SLC26A8: variants seen among roughly 807,000 people sequenced by gnomAD.
SLC26A8 encodes solute carrier family 26 member 8, also known as testis anion transporter 1.
In SLC26A8, 70 loss-of-function variants were observed where a neutral mutation model predicts 105.0. The ratio of observed to expected loss-of-function variants is 0.67; its 90% CI spans 0.55 to 0.81. SLC26A8 has a LOEUF of 0.81. SLC26A8 is among the 40% of genes least tolerant of loss of function. The pLI is 0.00. For missense variants in SLC26A8, 998 were observed against 1,181.8 expected, an observed-to-expected ratio of 0.84 and a Z score of 2.28; for synonymous variants, 415 against 438.3, an observed-to-expected ratio of 0.95 and a Z score of 0.66.
chr6:36,023,726 G>A (rs1425933467), intron 1 of SLC26A8, among the ~76,000 whole-genome samples: 3 of 151,938 alleles, frequency 2.0e-5, no homozygotes, highest in East Asian at 1.9e-4. Context: ...ATTTACTTCC[G>A]AATTTTCAAA....
At chr6:36,001,185 G>A (rs1761510201) in intron 3 of SLC26A8, among the ~76,000 whole-genome samples, 1 of 149,178 alleles carries the variant, frequency 6.7e-6, no homozygotes, top group Non-Finnish European at 1.5e-5. Flanking sequence ...CTGGAGTGCA[G>A]TGGCGCGATC....
chr6:36,009,999 G>C (rs554498469), intron 3 of SLC26A8, among the ~76,000 whole-genome samples: 1 of 152,156 alleles, frequency 6.6e-6, no homozygotes, highest in Non-Finnish European at 1.5e-5. Flanking sequence ...GCTTGCAGCT[G>C]GGGATGTAAA....
intron 2 of SLC26A8, among the ~76,000 whole-genome samples, chr6:36,014,068 A>T (rs1008415604): frequency 3.9e-5 from 6 of 152,188 alleles, no homozygotes; most frequent in African/African-American, 1.4e-4. Context: ...TTGGTTTGGA[A>T]GGAACATCAC....
chr6:36,009,675 T>G (rs1167003517), intron 3 of SLC26A8, among the ~76,000 whole-genome samples: 1 of 152,214 alleles, frequency 6.6e-6, no homozygotes, highest in Non-Finnish European at 1.5e-5. Flanking sequence ...TATTAATGAT[T>G]GCTAGGGATT....
At chr6:35,985,522 A>G (rs534677154) in intron 7 of SLC26A8, among the ~76,000 whole-genome samples, 6 of 151,708 alleles carry the variant, frequency 4.0e-5, no homozygotes, top group South Asian at 4.2e-4. Context: ...GTGAAACCCC[A>G]TCTCTACTAA....
At chr6:36,020,619 T>C (rs1049692347) in intron 1 of SLC26A8, among the ~76,000 whole-genome samples, 2 of 151,600 alleles carry the variant, frequency 1.3e-5, no homozygotes, top group African/African-American at 4.8e-5. Context: ...ACCCTGTCTC[T>C]AAAAGAAAAA....
At chr6:35,964,471 A>T (rs1441593413) in intron 11 of SLC26A8, among the ~76,000 whole-genome samples, 3 of 151,988 alleles carry the variant, frequency 2.0e-5, no homozygotes, top group Non-Finnish European at 2.9e-5. Context: ...ATGTGGCAAA[A>T]ACCTGTCTCT....
rs762255127 is a variant in SLC26A8, at chr6:35,943,949, T to C, written c.2864A>G (p.His955Arg). The change falls in exon 20 of 20, where the codon CAT (histidine) becomes CGT (arginine). Residue 955 changes from histidine (H) to arginine (R), a missense_variant. Coordinates refer to ENST00000490799, the MANE Select transcript of SLC26A8 (RefSeq NM_052961.4). ...CTCTGGTGAGTATGAATCCATAGGA[T>C]GGCGTCTCCTCTCCACTGACCATGT... ...TRTWSVERRR[H>R]PMDSYSPEGN... 1.2e-6 allele frequency: 2 copies of C among 1,614,080 alleles called. No individual in the cohort carries two copies. The highest frequency in any genetic ancestry group is 2.7e-5 in the African/African-American group (2 of 74,922).
intron 19 of SLC26A8, among the ~76,000 whole-genome samples, 169 bp from the exon 20 acceptor site, chr6:35,944,509 AAAT>A (rs58506796): frequency 4.1e-5 from 6 of 147,936 alleles, no homozygotes; most frequent in African/African-American, 1.2e-4. Flanking sequence ...CTATCTTAAC[AAAT>A]AATAATAATA....
intron 10 of SLC26A8, among the ~76,000 whole-genome samples, chr6:35,970,239 G>C (rs1391060456): frequency 6.6e-6 from 1 of 152,120 alleles, no homozygotes; most frequent in Admixed American, 6.6e-5. Flanking sequence ...TTTACGTAGG[G>C]GGGGAAAACA....
chr6:35,993,422 TG>T (rs1322739253), intron 5 of SLC26A8, among the ~76,000 whole-genome samples: 8 of 152,068 alleles, frequency 5.3e-5, no homozygotes, highest in South Asian at 2.1e-4. Context: ...TTCAAAACAG[TG>T]GGATCGAGCT....
chr6:35,965,154 G>T, intron 11 of SLC26A8, among the ~76,000 whole-genome samples: 1 of 152,080 alleles, frequency 6.6e-6, no homozygotes, highest in Non-Finnish European at 1.5e-5. Context: ...TCCATTTTTA[G>T]AAAATAATAT....
At chr6:35,952,133 G>C (rs116733491) in intron 17 of SLC26A8, among the ~76,000 whole-genome samples, 1,576 of 152,288 alleles carry the variant, frequency 0.01, 30 homozygotes, top group African/African-American at 0.033. Flanking sequence ...CCCTAGCATA[G>C]AGACAGGCAC....
At chr6:36,016,882 A>T (rs974610907) in intron 2 of SLC26A8, among the ~76,000 whole-genome samples, 1 of 152,224 alleles carries the variant, frequency 6.6e-6, no homozygotes, top group African/African-American at 2.4e-5. Context: ...GAAAATATGC[A>T]TGATCTTGGC....
intron 3 of SLC26A8, among the ~76,000 whole-genome samples, chr6:36,004,948 G>C (rs996717337): frequency 1.3e-5 from 2 of 151,408 alleles, no homozygotes; most frequent in Non-Finnish European, 2.9e-5. Flanking sequence ...TTACAGGCAT[G>C]AGTCACCACA....
In SLC26A8 at chr6:35,968,607, G is replaced by GTATA. The variant is rs1462092309; in HGVS notation, c.1365+269_1365+270insTATA. 9.7e-3 allele frequency among the ~76,000 whole-genome samples: 456 copies of GTATA among 46,810 alleles called. 3 individuals are homozygous for GTATA. Among genetic ancestry groups the GTATA allele is most frequent in the Non-Finnish European group, 0.012 (338 of 28,780 alleles). 30.7% of individuals were successfully genotyped at this position (46,810 alleles called of 152,430 possible). On this transcript the variant is annotated intron_variant, in intron 11 of 19. Coordinates refer to ENST00000490799, the MANE Select transcript of SLC26A8 (RefSeq NM_052961.4). Reference sequence around the variant, plus strand: ...TGTGTGTATGTGTGTGTGTGTGTGTGTGTATATATATATATATATATATAT... The same window carrying GTATA: ...TGTGTGTATGTGTGTGTGTGTGTGTGTATATGTATATATATATATATATATATAT...
At chr6:35,992,031 A>G (rs575505918) in intron 6 of SLC26A8, among the ~76,000 whole-genome samples, 1 of 152,270 alleles carries the variant, frequency 6.6e-6, no homozygotes, top group Non-Finnish European at 1.5e-5. Context: ...GAGAGAATAC[A>G]CTGTATGTTT....
intron 17 of SLC26A8, among the ~76,000 whole-genome samples, chr6:35,952,225 A>C (rs9348984): frequency 0.97 from 147,495 of 152,232 alleles, 71,519 homozygotes; most frequent in South Asian, 1. Flanking sequence ...TGAGACCCCC[A>C]CTTCCCCCTG....
At chr6:35,951,089 C>T (rs1771849170) in intron 19 of SLC26A8, 74 bp downstream of exon 19, 4 of 1,371,904 alleles carry the variant, frequency 2.9e-6, no homozygotes, top group South Asian at 1.2e-5. Flanking sequence ...TCCCAGCCCC[C>T]AACCACCCCT....
Sources: allele counts gnomAD v4.1 joint callset (sites outside exome capture counted in the v4.1 genomes callset), GRCh38; gene constraint gnomAD v4.1.1; transcripts MANE v1.5; gene names NCBI Gene and HGNC (gene_info 2026-07-23, HGNC 2026-07-21).